The following OR2V2 variants were observed in gnomAD, a reference collection of about 807,000 sequenced individuals.
The protein encoded by OR2V2 is olfactory receptor 2V2.
For missense variants in OR2V2, 392 were observed against 392.2 expected (o/e 1.00, Z 0.00); for synonymous variants, 161 against 151.3 (o/e 1.06, Z -0.47).
intron 1 of OR2V2, among the ~76,000 whole-genome samples, chr5:181,154,616 C>T (rs1389556474): frequency 6.6e-6 from 1 of 150,400 alleles, no homozygotes; most frequent in East Asian, 1.9e-4. Context: ...GACTCTGTAT[C>T]ATATGGTACA....
intron 1 of OR2V2, among the ~76,000 whole-genome samples, chr5:181,149,073 T>G (rs115034362): frequency 0.025 from 3,768 of 152,194 alleles, 150 homozygotes; most frequent in African/African-American, 0.086. Context: ...GGCTTTATTT[T>G]TGCAGGGGTG....
intron 1 of OR2V2, among the ~76,000 whole-genome samples, chr5:181,154,390 G>C (rs763031856): frequency 9.9e-5 from 15 of 152,028 alleles, no homozygotes; most frequent in South Asian, 8.3e-4. Context: ...GAGATCGAGA[G>C]CATCCTGCCT....
In OR2V2 at chr5:181,158,518, T is replaced by TAGGGAGGC. The variant is rs1763295765; in HGVS notation, c.*2628_*2629insAGGGAGGC. ...GTGGTTACTTGGGAGGCTGAGTTCCTTGGGAGGCTGAGGCGGAAGGATTGC... is the reference window on the plus strand; with the variant it reads ...GTGGTTACTTGGGAGGCTGAGTTCCTAGGGAGGCTGGGAGGCTGAGGCGGAAGGATTGC... On this transcript the variant is annotated 3_prime_UTR_variant, in exon 2 of 2. Transcript: ENST00000641492. The TAGGGAGGC allele has an allele frequency of 2.0e-5, 3 of 152,022 alleles. No individual in the cohort carries two copies. Among genetic ancestry groups the TAGGGAGGC allele is most frequent in the African/African-American group, 7.3e-5 (3 of 41,352 alleles). The allele number at this position is 152,022 out of a possible 1,614,324, so 9.4% of individuals were successfully genotyped here.
At chr5:181,152,390 C>T (rs533928222) in intron 1 of OR2V2, among the ~76,000 whole-genome samples, 1 of 152,318 alleles carries the variant, frequency 6.6e-6, no homozygotes, top group African/African-American at 2.4e-5. Context: ...GTTCCTTTTT[C>T]TCTGACTCTT....
chr5:181,148,223 A>T (rs1763149367), intron 1 of OR2V2, among the ~76,000 whole-genome samples: 1 of 151,598 alleles, frequency 6.6e-6, no homozygotes. Flanking sequence ...CCCTCTCTCG[A>T]TCCTTGGTGT....
In OR2V2 at chr5:181,155,165, G is replaced by T. The variant is rs544390715; in HGVS notation, c.223G>T (p.Val75Phe). The change falls in exon 2 of 2, where the codon GTC (valine) becomes TTC (phenylalanine). Residue 75 changes from valine to phenylalanine, a missense_variant. Transcript: ENST00000641492. ...SQLSLMDLMLVCTNVPKMAAN... is the reference protein window; with the variant it reads ...SQLSLMDLMLFCTNVPKMAAN... ...GCTCTCCCTCATGGACCTCATGTTG[G>T]TCTGTACCAATGTGCCAAAGATGGC... is the stretch of plus-strand genomic sequence containing the variant. The T allele has an allele frequency of 8.7e-6, 14 of 1,614,136 alleles. No individual in the cohort carries two copies. In the East Asian group the frequency reaches 2.7e-4, roughly 31 times the overall value.
At chr5:181,150,477 T>C (rs963960653) in intron 1 of OR2V2, among the ~76,000 whole-genome samples, 4 of 152,168 alleles carry the variant, frequency 2.6e-5, no homozygotes, top group African/African-American at 9.7e-5. Context: ...TACGCTCAGG[T>C]CAGGAGAAAG....
chr5:181,153,229 T>C (rs1357527757), intron 1 of OR2V2, among the ~76,000 whole-genome samples: 1 of 152,218 alleles, frequency 6.6e-6, no homozygotes, highest in East Asian at 1.9e-4. Flanking sequence ...TGTTTTCCGC[T>C]TGTTGTTTAT....
rs541226851 is a variant in OR2V2 at position 181,159,259 on chromosome 5, A to T, written c.*3369A>T. On this transcript the variant is annotated 3_prime_UTR_variant, in exon 2 of 2. Coordinates refer to ENST00000641492, the MANE Select transcript of OR2V2 (RefSeq NM_206880.2). ...TAGAACAATTAAAAATAAAACATGA[A>T]TTTTAAATTTAAAAATTGCTCTACA... 6.6e-6 allele frequency: 1 copy of T among 152,222 alleles called. No individual in the cohort carries two copies. The highest frequency in any genetic ancestry group is 1.9e-4 in the East Asian group (1 of 5,184). The allele number at this position is 152,222 out of a possible 1,614,324, so 9.4% of individuals were successfully genotyped here.
In OR2V2 at chr5:181,154,762, G is replaced by A. The variant is rs144042407; in HGVS notation, c.-24-157G>A. ...TCTAGGAGCCAGGAGGGCCCCCACCGCTGTGTTAGGGAGATATGGAGTGTC... is the reference window on the plus strand; with the variant it reads ...TCTAGGAGCCAGGAGGGCCCCCACCACTGTGTTAGGGAGATATGGAGTGTC... On this transcript the variant is annotated intron_variant, in intron 1 of 1. Coordinates refer to ENST00000641492, the MANE Select transcript of OR2V2 (RefSeq NM_206880.2). 1.5e-3 allele frequency among the ~76,000 whole-genome samples: 221 copies of A among 152,260 alleles called. 1 individual carries two copies. Among genetic ancestry groups the A allele is most frequent in the African/African-American group, 5.2e-3 (214 of 41,548 alleles).
chr5:181,153,676 TCAAAAACA>T (rs1379042047), intron 1 of OR2V2, among the ~76,000 whole-genome samples: 5 of 152,140 alleles, frequency 3.3e-5, no homozygotes, highest in Admixed American at 1.3e-4. Flanking sequence ...AGACCCTGTC[TCAAAAACA>T]CAAAAACACA....
At chr5:181,151,895 G>A (rs941118754) in intron 1 of OR2V2, among the ~76,000 whole-genome samples, 3 of 151,508 alleles carry the variant, frequency 2.0e-5, no homozygotes, top group Middle Eastern at 3.4e-3. Context: ...TGAGTGAGGA[G>A]GATCTCTTGA....
In OR2V2 at chr5:181,153,342, C is replaced by T. The variant is rs116341871; in HGVS notation, c.-24-1577C>T. Among the ~76,000 whole-genome samples, 693 of 152,136 alleles carry T rather than the reference C, an allele frequency of 4.6e-3. 6 individuals carry two copies. The highest frequency in any genetic ancestry group is 0.016 in the African/African-American group (651 of 41,488). On this transcript the variant is annotated intron_variant, in intron 1 of 1. Transcript: ENST00000641492. ...TGTGATTTCCTGACTTGGCTTTGTCCGTGTAAAATCATATCATGTCTCTGG... is the reference window on the plus strand; with the variant it reads ...TGTGATTTCCTGACTTGGCTTTGTCTGTGTAAAATCATATCATGTCTCTGG...
At chr5:181,153,619 A>C (rs1314275546) in intron 1 of OR2V2, among the ~76,000 whole-genome samples, 1 of 151,494 alleles carries the variant, frequency 6.6e-6, no homozygotes, top group Non-Finnish European at 1.5e-5. Flanking sequence ...CGGAGGTTGC[A>C]ATGAGCCGAG....
chr5:181,155,489 C>A lies in OR2V2; in HGVS notation c.547C>A (p.Leu183Ile). ...GGTGAACCATTTCTTCTGTGAGATGCTATCCTTGTTGAAGCTGGCCTGTGT... is the reference window on the plus strand; with the variant it reads ...GGTGAACCATTTCTTCTGTGAGATGATATCCTTGTTGAAGCTGGCCTGTGT... ...RKVNHFFCEM[L>I]SLLKLACVDT... is the part of the protein sequence containing the mutation. The change falls in exon 2 of 2, where the codon CTA (leucine) becomes ATA (isoleucine). Residue 183 changes from leucine (L) to isoleucine (I), a missense_variant. Physicochemically the swap from Leu to Ile is conservative, Grantham distance 5 (BLOSUM62 2). Coordinates refer to ENST00000641492, the MANE Select transcript of OR2V2 (RefSeq NM_206880.2). 6.2e-7 allele frequency: 1 copy of A among 1,614,198 alleles called. No individual in the cohort carries two copies. Among genetic ancestry groups the A allele is most frequent in the Non-Finnish European group, 8.5e-7 (1 of 1,180,028 alleles).
rs773287963 is a variant in OR2V2, at chr5:181,155,933, A to G, written c.*43A>G. On this transcript the variant is annotated 3_prime_UTR_variant, in exon 2 of 2. Coordinates refer to ENST00000641492, the MANE Select transcript of OR2V2 (RefSeq NM_206880.2). Reference sequence around the variant, plus strand: ...CCTGGCTCTGCCATCTCTTAGCTCCAGGGATGTCGGGTTAATAATTCTCTC... The same window carrying G: ...CCTGGCTCTGCCATCTCTTAGCTCCGGGGATGTCGGGTTAATAATTCTCTC... 5 of 1,538,006 alleles carry G rather than the reference A, an allele frequency of 3.3e-6. No individual in the cohort carries two copies. The South Asian group carries it at 5.9e-5, about 18-fold the overall frequency.
rs113255386 is a variant in OR2V2, at chr5:181,154,032, G to A, written c.-24-887G>A. ...GGCCCTGTGACTTCCTGTCACTCGC[G>A]GTATGACTGACAATGACACCGTCCA... On this transcript the variant is annotated intron_variant, in intron 1 of 1. Transcript: ENST00000641492. Among the ~76,000 whole-genome samples, 11 of 152,258 alleles carry A rather than the reference G, an allele frequency of 7.2e-5. 1 individual carries two copies. The highest frequency in any genetic ancestry group is 2.6e-4 in the African/African-American group (11 of 41,548).
intron 1 of OR2V2, among the ~76,000 whole-genome samples, chr5:181,149,124 G>A (rs1238653932): frequency 6.6e-6 from 1 of 152,174 alleles, no homozygotes; most frequent in Non-Finnish European, 1.5e-5. Context: ...TGGGGTGGGG[G>A]ACTAGAGAGG....
intron 1 of OR2V2, among the ~76,000 whole-genome samples, chr5:181,148,541 AT>A (rs1561629196): frequency 6.6e-6 from 1 of 152,266 alleles, no homozygotes; most frequent in South Asian, 2.1e-4. Context: ...GCAAGAATAA[AT>A]TCAGTTGTAT....
Sources: allele counts gnomAD v4.1 joint callset (sites outside exome capture counted in the v4.1 genomes callset), GRCh38; gene constraint gnomAD v4.1.1; transcripts MANE v1.5; gene names NCBI Gene and HGNC (gene_info 2026-07-23, HGNC 2026-07-21).